SMAD1: variants seen among roughly 807,000 people sequenced by gnomAD.
SMAD1 encodes the protein MAD, mothers against decapentaplegic homolog 1.
In SMAD1, 6 loss-of-function variants were observed where a neutral mutation model predicts 41.6. The ratio of observed to expected loss-of-function variants is 0.14; its 90% CI spans 0.08 to 0.28. SMAD1 has a LOEUF of 0.28. Among genes scored for constraint, SMAD1 ranks in the 10% least tolerant of loss-of-function variants. The probability of loss-of-function intolerance (pLI) is 1.00; values close to 1 mark genes in which losing one functional copy is unlikely to be tolerated. For synonymous variants in SMAD1, 206 were observed against 203.2 expected (o/e 1.01, Z -0.12); for missense variants, 379 against 582.6 (o/e 0.65, Z 3.60).
At position 145,517,512 on chromosome 4, in the gene SMAD1, G is replaced by A. The variant is rs560069784; in HGVS notation, c.400+2499G>A. Among the ~76,000 whole-genome samples, 16 of 152,106 alleles carry A rather than the reference G, an allele frequency of 1.1e-4. No homozygotes were observed. The East Asian group carries it at 2.9e-3, about 28-fold the overall frequency. On this transcript the variant is annotated intron_variant, in intron 2 of 6. Transcript: ENST00000302085. ...CACACTTATAATGATTGTTCTGTTG[G>A]TCTTCTCTGCAAGATAGTAAATAAA... is the stretch of plus-strand genomic sequence containing the variant.
chr4:145,528,814 T>A (rs1364349126), intron 2 of SMAD1, among the ~76,000 whole-genome samples: 1 of 152,206 alleles, frequency 6.6e-6, no homozygotes, highest in Admixed American at 6.6e-5. Flanking sequence ...AGAGACACCA[T>A]AGCACGGTGG....
In SMAD1 at chr4:145,539,940, C is replaced by T. The variant is rs1331573733; in HGVS notation, c.537C>T (p.Pro179=). Reference sequence around the variant, plus strand: ...CTTTTCCAGATTCTTTCCAGCAACCCAACAGCCACCCGTTTCCTCACTCTC... The same window carrying T: ...CTTTTCCAGATTCTTTCCAGCAACCTAACAGCCACCCGTTTCCTCACTCTC... ...NATFPDSFQQ[P]NSHPFPHSPN... The change falls in exon 3 of 7, where the codon CCC becomes CCT. Residue 179 remains proline (P), a synonymous_variant. Coordinates refer to ENST00000302085, the MANE Select transcript of SMAD1 (RefSeq NM_005900.3). 1 of 1,614,040 alleles carries T rather than the reference C, an allele frequency of 6.2e-7. No homozygotes were observed. The highest frequency in any genetic ancestry group is 8.5e-7 in the Non-Finnish European group (1 of 1,180,004).
intron 5 of SMAD1, among the ~76,000 whole-genome samples, chr4:145,549,783 TGATA>T (rs745414478): frequency 2.6e-5 from 4 of 152,196 alleles, no homozygotes; most frequent in Non-Finnish European, 5.9e-5. Context: ...AATTAGGAAT[TGATA>T]GATATTCTCT....
chr4:145,500,412 G>T (rs138164818), intron 1 of SMAD1, among the ~76,000 whole-genome samples: 2 of 151,984 alleles, frequency 1.3e-5, no homozygotes, highest in South Asian at 4.2e-4. Context: ...CCTCAGTGAG[G>T]ACTCCTTGCC....
chr4:145,553,066 G>A (rs184642404), intron 5 of SMAD1, among the ~76,000 whole-genome samples: 19 of 143,072 alleles, frequency 1.3e-4, no homozygotes, highest in African/African-American at 4.8e-4. Context: ...CCTATGCCTG[G>A]CTAATTTTTT....
intron 1 of SMAD1, among the ~76,000 whole-genome samples, chr4:145,493,563 ACAAAAACTGTATTTATAG>A (rs995946431): frequency 3.3e-5 from 5 of 152,364 alleles, no homozygotes; most frequent in African/African-American, 1.2e-4. Flanking sequence ...AAATGTTGGC[ACAAAAACTGTATTTATAG>A]CATTTATTCG....
intron 1 of SMAD1, among the ~76,000 whole-genome samples, chr4:145,489,278 C>T (rs1728650572): frequency 6.6e-6 from 1 of 152,096 alleles, no homozygotes. Flanking sequence ...AGGTTGACTT[C>T]CAGTGAGAAT....
Position 145,558,085 on chromosome 4 carries a change from A to C in SMAD1, c.*151A>C, listed in dbSNP as rs945936415. ...TTGGATTCAGAAATTTAAACAAAAA[A>C]AAAAAAAAACACACACACCTTGGTA... On this transcript the variant is annotated 3_prime_UTR_variant, in exon 7 of 7. Coordinates refer to ENST00000302085, the MANE Select transcript of SMAD1 (RefSeq NM_005900.3). The C allele has an allele frequency of 4.8e-6, 2 of 414,360 alleles. No homozygotes were observed. The highest frequency in any genetic ancestry group is 2.0e-5 in the African/African-American group (1 of 49,626). 25.7% of individuals were successfully genotyped at this position (414,360 alleles called of 1,614,324 possible).
At chr4:145,512,817 G>A (rs1272988218) in intron 1 of SMAD1, among the ~76,000 whole-genome samples, 1 of 152,138 alleles carries the variant, frequency 6.6e-6, no homozygotes, top group Non-Finnish European at 1.5e-5. Flanking sequence ...TAGTGGCTAA[G>A]GTTGATGTTG....
At chr4:145,519,663 A>C (rs1239986610) in intron 2 of SMAD1, among the ~76,000 whole-genome samples, 2 of 110,318 alleles carry the variant, frequency 1.8e-5, no homozygotes, top group Non-Finnish European at 3.9e-5. Flanking sequence ...AAAAAAAAAA[A>C]AAACCCACTT....
intron 5 of SMAD1, among the ~76,000 whole-genome samples, chr4:145,553,558 T>C (rs1203522167): frequency 1.3e-5 from 2 of 152,168 alleles, no homozygotes; most frequent in African/African-American, 4.8e-5. Flanking sequence ...TAATGCTTGC[T>C]CACTCACCTC....
At chr4:145,488,045 C>T (rs1728570629) in intron 1 of SMAD1, among the ~76,000 whole-genome samples, 1 of 152,030 alleles carries the variant, frequency 6.6e-6, no homozygotes, top group African/African-American at 2.4e-5. Context: ...GCATTAAATT[C>T]TCTAAGGTGT....
At chr4:145,525,505 C>T (rs1730976219) in intron 2 of SMAD1, among the ~76,000 whole-genome samples, 1 of 152,088 alleles carries the variant, frequency 6.6e-6, no homozygotes, top group South Asian at 2.1e-4. Context: ...CTAAAACCCC[C>T]ACATTTTGTT....
At chr4:145,511,904 C>A (rs948268320) in intron 1 of SMAD1, among the ~76,000 whole-genome samples, 1 of 152,140 alleles carries the variant, frequency 6.6e-6, no homozygotes, top group Non-Finnish European at 1.5e-5. Flanking sequence ...CTTTTTCCTT[C>A]TGCCTGAAGA....
chr4:145,487,140 G>C (rs189040664), intron 1 of SMAD1, among the ~76,000 whole-genome samples: 1 of 152,074 alleles, frequency 6.6e-6, no homozygotes, highest in Admixed American at 6.5e-5. Context: ...TAATCAATGA[G>C]ACCTTATTAG....
rs1732972343 is a variant in SMAD1 at position 145,558,588 on chromosome 4, G to C, written c.*654G>C. ...ATTGATTAGACTAGTGAATTTAGGA[G>C]TATTTGAGGTGGGTGGGGGGAAGAG... On this transcript the variant is annotated 3_prime_UTR_variant, in exon 7 of 7. Coordinates refer to ENST00000302085, the MANE Select transcript of SMAD1 (RefSeq NM_005900.3). Among the ~76,000 whole-genome samples, 1 of 152,090 alleles carries C rather than the reference G, an allele frequency of 6.6e-6. No individual in the cohort carries two copies. Among genetic ancestry groups the C allele is most frequent in the Admixed American group, 6.6e-5 (1 of 15,262 alleles).
intron 1 of SMAD1, among the ~76,000 whole-genome samples, chr4:145,505,527 G>A (rs1729719348): frequency 6.6e-6 from 1 of 151,760 alleles, no homozygotes; most frequent in South Asian, 2.1e-4. Context: ...GCTGAGGCAG[G>A]AGAATGGTGT....
chr4:145,550,303 A>G, intron 5 of SMAD1, among the ~76,000 whole-genome samples: 1 of 152,196 alleles, frequency 6.6e-6, no homozygotes. Context: ...AGTTGAGGTC[A>G]GGAGTTCGAG....
chr4:145,521,123 G>A (rs890579321), intron 2 of SMAD1, among the ~76,000 whole-genome samples: 14 of 152,152 alleles, frequency 9.2e-5, no homozygotes, highest in African/African-American at 3.4e-4. Context: ...TTTAACAGGT[G>A]GACTGTTTAC....
Sources: allele counts gnomAD v4.1 joint callset (sites outside exome capture counted in the v4.1 genomes callset), GRCh38; gene constraint gnomAD v4.1.1; transcripts MANE v1.5; gene names NCBI Gene and HGNC (gene_info 2026-07-23, HGNC 2026-07-21).